The following CACNA1A variants were observed in gnomAD, a reference collection of about 807,000 sequenced individuals.
The protein encoded by CACNA1A is calcium voltage-gated channel subunit alpha1 A, also known as voltage-dependent P/Q-type calcium channel subunit alpha-1A.
CACNA1A carries 57 observed loss-of-function variants against 262.4 expected under a neutral mutation model. The observed-to-expected ratio is 0.22, with a 90% CI of 0.18 to 0.27. The LOEUF (loss-of-function observed/expected upper bound fraction) is 0.27. Ranked by LOEUF, CACNA1A falls within the 10% of genes least tolerant of loss-of-function variation. The pLI is 1.00. For synonymous variants in CACNA1A, 1,431 were observed against 1,419.3 expected, an observed-to-expected ratio of 1.01 and a Z score of -0.18; for missense variants, 2,526 against 3,562.8, an observed-to-expected ratio of 0.71 and a Z score of 7.41.
intron 3 of CACNA1A, 84 bp downstream of exon 3, chr19:13,452,792 T>C: frequency 2.9e-6 from 4 of 1,363,076 alleles, no homozygotes; most frequent in Non-Finnish European, 4.1e-6. Flanking sequence ...TCAGCCTTCC[T>C]GAGCCTGGCC....
At position 13,342,673 on chromosome 19, in the gene CACNA1A, C is replaced by T. The variant is rs906082291; in HGVS notation, c.979-6764G>A. Reference sequence around the variant, plus strand: ...AATAGCTGTCATTTTGGAGCCAGAGCATTGAACTTTCAGTGTGGGACCTTC... The same window carrying T: ...AATAGCTGTCATTTTGGAGCCAGAGTATTGAACTTTCAGTGTGGGACCTTC... On this transcript the variant is annotated intron_variant, in intron 6 of 46. Coordinates refer to ENST00000360228, the MANE Select transcript of CACNA1A (RefSeq NM_001127222.2). Among the ~76,000 whole-genome samples, 4 of 152,154 alleles carry T rather than the reference C, an allele frequency of 2.6e-5. No individual in the cohort carries two copies. In the East Asian group the frequency reaches 7.7e-4, roughly 29 times the overall value.
chr19:13,217,680 A>G (rs1443990421), intron 38 of CACNA1A, among the ~76,000 whole-genome samples: 1 of 152,136 alleles, frequency 6.6e-6, no homozygotes, highest in Non-Finnish European at 1.5e-5. Flanking sequence ...TGACAGCCAA[A>G]TTCAGAGACA....
rs75255328 is a variant in CACNA1A at position 13,387,551 on chromosome 19, C to G, written c.540-15772G>C. On this transcript the variant is annotated intron_variant, in intron 3 of 46. Transcript: ENST00000360228. ...TAACTCTGCCACCCCACTCACCTTC[C>G]CCACTGGGACCTCAGCCAAACTCAT... 5.5e-3 allele frequency among the ~76,000 whole-genome samples: 830 copies of G among 152,286 alleles called. 18 individuals are homozygous for G. The highest frequency in any genetic ancestry group is 0.037 in the East Asian group (191 of 5,182).
At chr19:13,268,596 C>A (rs2056928194) in intron 24 of CACNA1A, among the ~76,000 whole-genome samples, 1 of 152,026 alleles carries the variant, frequency 6.6e-6, no homozygotes, top group African/African-American at 2.4e-5. Flanking sequence ...CCACGCCCAG[C>A]TAATTTTTTT....
intron 38 of CACNA1A, among the ~76,000 whole-genome samples, chr19:13,216,873 TTCAGG>T (rs2055032587): frequency 6.6e-6 from 1 of 152,110 alleles, no homozygotes; most frequent in Non-Finnish European, 1.5e-5. Flanking sequence ...TGCTAATTGG[TTCAGG>T]CAGGTAGTTG....
At chr19:13,302,574 T>A (rs1477258005) in intron 17 of CACNA1A, among the ~76,000 whole-genome samples, 7 of 152,226 alleles carry the variant, frequency 4.6e-5, no homozygotes, top group Non-Finnish European at 8.8e-5. Flanking sequence ...TGGAGAGGAA[T>A]GTCCACACCT....
intron 34 of CACNA1A, chr19:13,234,669 C>A: frequency 2.0e-6 from 1 of 489,382 alleles, no homozygotes; most frequent in Non-Finnish European, 3.7e-6. Context: ...CACATCTGGC[C>A]ACCCCCACAC....
intron 1 of CACNA1A, among the ~76,000 whole-genome samples, chr19:13,471,011 T>C (rs919828442): frequency 4.6e-5 from 7 of 152,196 alleles, no homozygotes; most frequent in Admixed American, 3.3e-4. Context: ...TCAAAGGCTC[T>C]AGGGGAGGAT....
chr19:13,441,050 C>T (rs910569468), intron 3 of CACNA1A, among the ~76,000 whole-genome samples: 1 of 152,140 alleles, frequency 6.6e-6, no homozygotes, highest in Non-Finnish European at 1.5e-5. Flanking sequence ...CAAGTTTAAG[C>T]GATTCACCCA....
intron 6 of CACNA1A, among the ~76,000 whole-genome samples, chr19:13,341,000 A>T (rs1384951670): frequency 6.6e-6 from 1 of 152,174 alleles, no homozygotes; most frequent in Non-Finnish European, 1.5e-5. Flanking sequence ...TGAGGCCAGG[A>T]GTTTGAGGCT....
At chr19:13,376,633 T>C (rs2059410203) in intron 3 of CACNA1A, among the ~76,000 whole-genome samples, 1 of 141,758 alleles carries the variant, frequency 7.1e-6, no homozygotes, top group Non-Finnish European at 1.5e-5. Flanking sequence ...ACACTACACA[T>C]ATGTTATATA....
intron 38 of CACNA1A, among the ~76,000 whole-genome samples, chr19:13,223,745 C>A (rs1392404731): frequency 2.0e-5 from 3 of 152,156 alleles, no homozygotes; most frequent in Non-Finnish European, 4.4e-5. Context: ...GAGCACCTTC[C>A]CCCCAGGGAT....
chr19:13,309,170 G>A (rs1015562729), intron 12 of CACNA1A, among the ~76,000 whole-genome samples: 6 of 151,900 alleles, frequency 3.9e-5, no homozygotes, highest in South Asian at 2.1e-4. Context: ...CACCACGCCC[G>A]GCTAATTTTT....
chr19:13,486,195 C>G (rs1323422588), intron 1 of CACNA1A, among the ~76,000 whole-genome samples: 1 of 152,198 alleles, frequency 6.6e-6, no homozygotes, highest in Non-Finnish European at 1.5e-5. Context: ...CATACAATCT[C>G]CAATAGTGGT....
chr19:13,334,903 A>G (rs2058537284), intron 7 of CACNA1A, among the ~76,000 whole-genome samples: 1 of 151,960 alleles, frequency 6.6e-6, no homozygotes, highest in Admixed American at 6.6e-5. Flanking sequence ...GCATGGTGGC[A>G]TACACTTGTT....
At chr19:13,478,155 T>C (rs1330787739) in intron 1 of CACNA1A, among the ~76,000 whole-genome samples, 1 of 152,172 alleles carries the variant, frequency 6.6e-6, no homozygotes, top group Non-Finnish European at 1.5e-5. Flanking sequence ...AAGTCGACAG[T>C]TCTGGCCAGA....
chr19:13,252,874 A>C, intron 30 of CACNA1A, 117 bp downstream of exon 30: 1 of 627,976 alleles, frequency 1.6e-6, no homozygotes, highest in Non-Finnish European at 2.8e-6. Context: ...CAGGATACTG[A>C]AGCCACCCTT....
chr19:13,228,907 G>A, intron 36 of CACNA1A: 1 of 544,620 alleles, frequency 1.8e-6, no homozygotes. Context: ...TGAAGGAGTG[G>A]GAGAGACTGG....
chr19:13,393,703 TTCTC>T lies in CACNA1A; in HGVS notation c.540-21928_540-21925del, dbSNP rs200728592. ...TTTCTTTCCTTTTCTTTCTTTACCT[TTCTC>T]TCTCTCTTTCTGTCTTCCTCTTTTC... On this transcript the variant is annotated intron_variant, in intron 3 of 46. Transcript: ENST00000360228. Among the ~76,000 whole-genome samples the T allele has an allele frequency of 6.9e-3, 906 of 131,808 alleles. 12 individuals carry two copies. Among genetic ancestry groups the T allele is most frequent in the African/African-American group, 0.021 (834 of 39,194 alleles). The allele number at this position is 131,808 out of a possible 152,430, so 86.5% of individuals were successfully genotyped here.
Sources: allele counts gnomAD v4.1 joint callset (sites outside exome capture counted in the v4.1 genomes callset), GRCh38; gene constraint gnomAD v4.1.1; transcripts MANE v1.5; gene names NCBI Gene and HGNC (gene_info 2026-07-23, HGNC 2026-07-21).